Variants in OR2L13 observed in about 807,000 individuals in gnomAD.
OR2L13 encodes olfactory receptor 2L13.
In OR2L13, 14 loss-of-function variants were observed where a neutral mutation model predicts 15.3. The observed-to-expected ratio is 0.91, with a 90% CI of 0.60 to 1.43. The LOEUF is 1.43. OR2L13 is among the 40% of genes most tolerant of loss of function. The probability of loss-of-function intolerance (pLI) is 0.00; values close to 1 mark genes in which losing one functional copy is unlikely to be tolerated. For synonymous variants in OR2L13, 152 were observed against 142.9 expected, an observed-to-expected ratio of 1.06 and a Z score of -0.45; for missense variants, 367 against 387.9, an observed-to-expected ratio of 0.95 and a Z score of 0.45.
the OR2L13 span, chr1:248,083,859 A>G: frequency 6.2e-7 from 1 of 1,612,274 alleles, no homozygotes; most frequent in South Asian, 1.1e-5. Flanking sequence ...AAAGAGTCCC[A>G]CCACAGCCAC....
chr1:248,071,315 C>G, the OR2L13 span, among the ~76,000 whole-genome samples: 91 of 151,818 alleles, frequency 6.0e-4, 2 homozygotes, highest in East Asian at 0.011. Flanking sequence ...TGCAAGGCTG[C>G]TTCAATATAT....
At chr1:248,011,943 T>C in the OR2L13 span, among the ~76,000 whole-genome samples, 16 of 152,168 alleles carry the variant, frequency 1.1e-4, no homozygotes, top group African/African-American at 2.9e-4. Flanking sequence ...CTTTGGGAGA[T>C]AGAATGGGCT....
chr1:247,973,056 G>C, the OR2L13 span, among the ~76,000 whole-genome samples: 5 of 152,078 alleles, frequency 3.3e-5, no homozygotes, highest in Admixed American at 6.6e-5. Flanking sequence ...TGCAGGAAAG[G>C]CTTTCAATAA....
At chr1:247,982,358 G>C in the OR2L13 span, among the ~76,000 whole-genome samples, 1 of 152,094 alleles carries the variant, frequency 6.6e-6, no homozygotes, top group African/African-American at 2.4e-5. Flanking sequence ...CTGATAATGA[G>C]AATATAGTTG....
chr1:247,994,404 A>G, the OR2L13 span, among the ~76,000 whole-genome samples: 1 of 152,114 alleles, frequency 6.6e-6, no homozygotes, highest in Non-Finnish European at 1.5e-5. Flanking sequence ...CTCAAAAACA[A>G]ACAAACAAAA....
At chr1:247,975,458 T>C in the OR2L13 span, 1 of 767,662 alleles carries the variant, frequency 1.3e-6, no homozygotes, top group Non-Finnish European at 2.4e-6. Flanking sequence ...CACCTCACTG[T>C]AGTAATTTTC....
the OR2L13 span, among the ~76,000 whole-genome samples, chr1:248,073,684 T>A: frequency 6.6e-6 from 1 of 151,254 alleles, no homozygotes; most frequent in Non-Finnish European, 1.5e-5. Context: ...AAAAGAAGCA[T>A]GGATGTTAGC....
the OR2L13 span, among the ~76,000 whole-genome samples, chr1:248,042,974 A>G: frequency 1.3e-4 from 20 of 152,236 alleles, no homozygotes; most frequent in African/African-American, 4.8e-4. Context: ...TCACCAAAAA[A>G]TGGACACTAG....
chr1:248,065,595 C>G, the OR2L13 span, among the ~76,000 whole-genome samples: 1 of 135,842 alleles, frequency 7.4e-6, no homozygotes, highest in African/African-American at 2.7e-5. Context: ...TCCCCCCACC[C>G]CACCACAGTC....
chr1:248,015,446 C>A, the OR2L13 span, among the ~76,000 whole-genome samples: 16 of 152,238 alleles, frequency 1.1e-4, no homozygotes, highest in South Asian at 3.3e-3. Context: ...TATAGACATG[C>A]AGATTCAGGT....
At chr1:248,007,827 C>G in the OR2L13 span, among the ~76,000 whole-genome samples, 49 of 152,170 alleles carry the variant, frequency 3.2e-4, no homozygotes, top group African/African-American at 1.1e-3. Context: ...ATTCCATTAG[C>G]AAAGTTTGAT....
At chr1:247,971,417 A>G in the OR2L13 span, among the ~76,000 whole-genome samples, 9 of 152,182 alleles carry the variant, frequency 5.9e-5, no homozygotes, top group Admixed American at 5.2e-4. Context: ...GCTCTCGGCT[A>G]TCTAACAGAA....
At chr1:247,973,771 G>A in the OR2L13 span, among the ~76,000 whole-genome samples, 1 of 152,126 alleles carries the variant, frequency 6.6e-6, no homozygotes, top group African/African-American at 2.4e-5. Context: ...TAAAATGTCG[G>A]GAAACAACAG....
upstream of OR2L13, among the ~76,000 whole-genome samples, chr1:248,093,896 G>T (rs999454168): frequency 1.3e-5 from 2 of 152,256 alleles, no homozygotes; most frequent in South Asian, 4.1e-4. Context: ...ATAGTAGAAT[G>T]ACTGTTACCA....
chr1:247,971,538 A>G, the OR2L13 span, among the ~76,000 whole-genome samples: 2 of 152,200 alleles, frequency 1.3e-5, no homozygotes, highest in African/African-American at 2.4e-5. Context: ...TTTCAGACAC[A>G]TTAAGTGAAT....
chr1:247,960,306 G>A, the OR2L13 span, among the ~76,000 whole-genome samples: 1 of 152,186 alleles, frequency 6.6e-6, no homozygotes, highest in Non-Finnish European at 1.5e-5. Flanking sequence ...TGGAAGTTTT[G>A]TCTCAGAGGA....
chr1:247,963,388 A>T, the OR2L13 span, among the ~76,000 whole-genome samples: 1 of 152,062 alleles, frequency 6.6e-6, no homozygotes, highest in Admixed American at 6.6e-5. Context: ...AGCAGTGAGG[A>T]CCACCAGAGG....
At chr1:247,939,145 G>A in the OR2L13 span, 1 of 152,108 alleles carries the variant, frequency 6.6e-6, no homozygotes, top group Non-Finnish European at 1.5e-5. Flanking sequence ...AATCGATTCT[G>A]CTTAATAAAC....
chr1:248,098,024 T>G (rs1664772986), intron 1 of OR2L13, among the ~76,000 whole-genome samples: 1 of 152,240 alleles, frequency 6.6e-6, no homozygotes, highest in Non-Finnish European at 1.5e-5. Context: ...TAGTTCTTAC[T>G]GATAGAATGA....
Sources: gnomAD v4.1 joint callset for allele counts (sites outside exome capture counted in the v4.1 genomes callset) on GRCh38, gnomAD v4.1.1 for gene constraint, MANE v1.5 for transcripts, NCBI Gene and HGNC (gene_info 2026-07-23, HGNC 2026-07-21) for gene names.